Variants in PTPRE observed in about 807,000 individuals in gnomAD.
The protein encoded by PTPRE is receptor-type tyrosine-protein phosphatase epsilon.
A neutral mutation model predicts 102.0 loss-of-function variants in PTPRE; 51 were observed. That is an observed-to-expected ratio of 0.50 (90% CI 0.40 to 0.63). PTPRE has a LOEUF of 0.63. Among genes scored for constraint, PTPRE ranks in the 30% least tolerant of loss-of-function variants. The pLI, the probability that PTPRE is intolerant of heterozygous loss-of-function variation, is 0.00. For missense variants in PTPRE, 752 were observed against 915.1 expected, an observed-to-expected ratio of 0.82 and a Z score of 2.30; for synonymous variants, 345 against 348.2, an observed-to-expected ratio of 0.99 and a Z score of 0.10.
chr10:128,070,993 G>A lies in PTPRE; in HGVS notation c.1387+92G>A. The A allele has an allele frequency of 7.9e-7, 1 of 1,271,748 alleles. No individual in the cohort carries two copies. 78.8% of individuals were successfully genotyped at this position (1,271,748 alleles called of 1,614,324 possible). A position where few individuals can be genotyped will look rare whatever the true frequency, so the allele number is the denominator to read the frequency against. The stretch of plus-strand genomic sequence containing the variant: ...GAGAAGCCATTGACCGCTTACCCCT[G>A]TGCACCAGGGTCAAAAGCAGGGTGT... On this transcript the variant is annotated intron_variant, in intron 15 of 20. Transcript: ENST00000254667. This position sits in a 1 kb window ranked among gnomAD's most constrained non-coding sequence, Gnocchi z 4.8.
chr10:128,071,186 G>T, intron 15 of PTPRE: 1 of 457,814 alleles, frequency 2.2e-6, no homozygotes, highest in African/African-American at 2.0e-5. Context: ...TTCAGGGGAG[G>T]GCTTCACAGA....
chr10:128,030,547 G>A (rs750470935), intron 2 of PTPRE, among the ~76,000 whole-genome samples: 14 of 152,244 alleles, frequency 9.2e-5, no homozygotes, highest in Admixed American at 3.9e-4. Context: ...GTCAGTCCCC[G>A]ACACCTTATT....
At chr10:128,010,551 C>CTTTTA in intron 2 of PTPRE, among the ~76,000 whole-genome samples, 1 of 129,016 alleles carries the variant, frequency 7.8e-6, no homozygotes, top group African/African-American at 3.5e-5. Flanking sequence ...TGTTCCTTTT[C>CTTTTA]TTTTCTTTTC....
chr10:127,983,714 C>T (rs1851827473), intron 2 of PTPRE, among the ~76,000 whole-genome samples: 1 of 152,136 alleles, frequency 6.6e-6, no homozygotes, highest in Non-Finnish European at 1.5e-5. Flanking sequence ...AGTGTGTGAC[C>T]TTTGCACCCC....
chr10:128,063,035 G>A, intron 9 of PTPRE, 48 bp from the exon 10 acceptor site: 2 of 1,610,492 alleles, frequency 1.2e-6, no homozygotes, highest in Non-Finnish European at 1.7e-6. Context: ...GACCCCAAAG[G>A]GACTTCCCTT....
At position 128,068,119 on chromosome 10, in the gene PTPRE, G is replaced by A. The variant is rs751239591; in HGVS notation, c.844-4G>A. The A allele has an allele frequency of 1.9e-5, 30 of 1,610,604 alleles. 1 individual carries two copies. The South Asian group carries it at 2.2e-4, about 12-fold the overall frequency. ...CCACTCTTGTCTCCCCGCGTCCCCC[G>A]CAGCAGCTCCCCGACGGCTGCAAAG... is the stretch of plus-strand genomic sequence containing the variant. On this transcript the variant is annotated splice_polypyrimidine_tract_variant and splice_region_variant and intron_variant, in intron 11 of 20. Coordinates refer to ENST00000254667, the MANE Select transcript of PTPRE (RefSeq NM_006504.6).
intron 1 of PTPRE, among the ~76,000 whole-genome samples, chr10:127,925,939 C>T (rs558740466): frequency 6.6e-6 from 1 of 152,202 alleles, no homozygotes; most frequent in South Asian, 2.1e-4. Flanking sequence ...ACAAGTATAC[C>T]TGGTATTACA....
chr10:128,002,683 C>CTTTT (rs59007980), intron 2 of PTPRE, among the ~76,000 whole-genome samples: 1 of 41,154 alleles, frequency 2.4e-5, no homozygotes, highest in East Asian at 8.1e-4. Flanking sequence ...AGTCACATAT[C>CTTTT]TTTTTTTTTT....
At chr10:127,990,838 T>A (rs1480517873) in intron 2 of PTPRE, among the ~76,000 whole-genome samples, 1 of 152,264 alleles carries the variant, frequency 6.6e-6, no homozygotes, top group Non-Finnish European at 1.5e-5. Flanking sequence ...ATTTTATTAA[T>A]GGAAAATTTT....
intron 12 of PTPRE, chr10:128,068,488 C>T (rs1447718913): frequency 1.0e-5 from 5 of 488,350 alleles, no homozygotes; most frequent in East Asian, 7.3e-5. Flanking sequence ...TCATCCCAGT[C>T]GATAAAACCC....
intron 2 of PTPRE, among the ~76,000 whole-genome samples, chr10:128,001,647 AG>A (rs1326889712): frequency 6.6e-6 from 1 of 152,164 alleles, no homozygotes; most frequent in East Asian, 1.9e-4. Context: ...CTGTTCCTGG[AG>A]GAAACTCCTC....
intron 10 of PTPRE, among the ~76,000 whole-genome samples, chr10:128,064,818 T>C (rs1458727709): frequency 6.6e-6 from 1 of 152,234 alleles, no homozygotes; most frequent in East Asian, 1.9e-4. Context: ...CTCACACTTC[T>C]GTTGTGGTTT....
At chr10:128,052,152 G>C (rs1848610872) in intron 6 of PTPRE, among the ~76,000 whole-genome samples, 1 of 152,172 alleles carries the variant, frequency 6.6e-6, no homozygotes, top group African/African-American at 2.4e-5. Context: ...CCCGTCCTCT[G>C]AGAGCACTGG....
In PTPRE at chr10:127,969,813, A is replaced by G. The variant is rs995217159; in HGVS notation, c.-30-12461A>G. Among the ~76,000 whole-genome samples, 23 of 152,066 alleles carry G rather than the reference A, an allele frequency of 1.5e-4. No individual in the cohort carries two copies. In the South Asian group the frequency reaches 1.9e-3, roughly 12 times the overall value. On this transcript the variant is annotated intron_variant, in intron 1 of 20. Transcript: ENST00000254667. The stretch of plus-strand genomic sequence containing the variant: ...ATCTGGAGAATCATGGTGAACGTGA[A>G]CTCTGTGTGAGATGCTGGCACGTGC...
chr10:128,011,861 C>A (rs1054716531), intron 2 of PTPRE, among the ~76,000 whole-genome samples: 3 of 152,204 alleles, frequency 2.0e-5, no homozygotes, highest in African/African-American at 7.2e-5. Context: ...TGTCACTGTC[C>A]CCCTCCCACC....
At chr10:128,010,556 C>CTTTTCTTTTCTT (rs1554919750) in intron 2 of PTPRE, among the ~76,000 whole-genome samples, 1 of 139,030 alleles carries the variant, frequency 7.2e-6, no homozygotes, top group African/African-American at 3.1e-5. Flanking sequence ...CTTTTCTTTT[C>CTTTTCTTTTCTT]TTTTCTTTTC....
chr10:127,983,021 C>T (rs781233163), intron 2 of PTPRE, among the ~76,000 whole-genome samples: 2 of 152,174 alleles, frequency 1.3e-5, no homozygotes, highest in Non-Finnish European at 2.9e-5. Context: ...TTTTAGCGGG[C>T]ACCATGATAC....
chr10:127,932,146 AT>A (rs1847491664), intron 1 of PTPRE, among the ~76,000 whole-genome samples: 1 of 152,226 alleles, frequency 6.6e-6, no homozygotes, highest in Non-Finnish European at 1.5e-5. Context: ...GTTCTGTATT[AT>A]TTTTATTTGA....
intron 1 of PTPRE, among the ~76,000 whole-genome samples, chr10:127,932,034 C>T (rs1331288772): frequency 6.6e-6 from 1 of 152,112 alleles, no homozygotes; most frequent in East Asian, 1.9e-4. Flanking sequence ...CAATGGTTAA[C>T]GTTTCTTGGA....
Sources: gnomAD v4.1 joint callset for allele counts (sites outside exome capture counted in the v4.1 genomes callset) on GRCh38, gnomAD v4.1.1 for gene constraint, Gnocchi (gnomAD v3.1) non-coding constraint, MANE v1.5 for transcripts, NCBI Gene and HGNC (gene_info 2026-07-23, HGNC 2026-07-21) for gene names.